KCNIP4: variants seen among roughly 807,000 people sequenced by gnomAD.
KCNIP4 encodes Kv channel-interacting protein 4.
KCNIP4 carries 12 observed loss-of-function variants against 34.0 expected under a neutral mutation model. The ratio of observed to expected loss-of-function variants is 0.35; its 90% CI spans 0.23 to 0.57. The LOEUF (loss-of-function observed/expected upper bound fraction) is 0.57, where lower values mean the gene tolerates loss of function less well. Among genes scored for constraint, KCNIP4 ranks in the 20% least tolerant of loss-of-function variants. The pLI is 0.83. For synonymous variants in KCNIP4, 124 were observed against 102.2 expected (o/e 1.21, Z -1.29); for missense variants, 238 against 311.7 (o/e 0.76, Z 1.78).
intron 1 of KCNIP4, among the ~76,000 whole-genome samples, chr4:21,432,138 A>ATATATATATATATAT (rs56939150): frequency 8.1e-6 from 1 of 123,484 alleles, no homozygotes; most frequent in Non-Finnish European, 1.7e-5. Flanking sequence ...ATATATATAT[A>ATATATATATATATAT]CAATCTCCTA....
At chr4:21,407,078 C>A (rs550638804) in intron 1 of KCNIP4, among the ~76,000 whole-genome samples, 2 of 152,148 alleles carry the variant, frequency 1.3e-5, no homozygotes, top group African/African-American at 4.8e-5. Flanking sequence ...ATTTTTATGA[C>A]CACAATGATA....
intron 1 of KCNIP4, among the ~76,000 whole-genome samples, chr4:21,909,053 G>A (rs1728156278): frequency 2.0e-5 from 3 of 152,034 alleles, no homozygotes; most frequent in Non-Finnish European, 4.4e-5. Flanking sequence ...GTAGGATTTG[G>A]TGTAAATACA....
chr4:21,637,792 A>C (rs1280097303), intron 1 of KCNIP4, among the ~76,000 whole-genome samples: 1 of 151,784 alleles, frequency 6.6e-6, no homozygotes, highest in Non-Finnish European at 1.5e-5. Flanking sequence ...TCAAAAAAAA[A>C]AAAAAAAAAA....
At chr4:21,194,009 TG>T (rs1299744105) in intron 1 of KCNIP4, among the ~76,000 whole-genome samples, 1 of 152,312 alleles carries the variant, frequency 6.6e-6, no homozygotes, top group South Asian at 2.1e-4. Context: ...CACGGCAATT[TG>T]AATGGCTATG....
intron 2 of KCNIP4, among the ~76,000 whole-genome samples, chr4:20,875,654 G>C (rs1339365639): frequency 6.6e-6 from 1 of 152,080 alleles, no homozygotes; most frequent in East Asian, 1.9e-4. Context: ...TACATGCCTA[G>C]GTCAGAGCCT....
At chr4:20,923,909 G>A (rs11727035) in intron 1 of KCNIP4, among the ~76,000 whole-genome samples, 121,944 of 151,936 alleles carry the variant, frequency 0.8, 49,050 homozygotes, top group East Asian at 0.84. Flanking sequence ...AATATATTCA[G>A]TATATGTGTG....
chr4:21,632,052 T>C (rs1349471653), intron 1 of KCNIP4, among the ~76,000 whole-genome samples: 1 of 152,212 alleles, frequency 6.6e-6, no homozygotes, highest in Non-Finnish European at 1.5e-5. Context: ...TTTAATTATT[T>C]GAGGACATGT....
At chr4:20,886,117 A>G (rs1420689185) in intron 1 of KCNIP4, among the ~76,000 whole-genome samples, 3 of 152,250 alleles carry the variant, frequency 2.0e-5, no homozygotes, top group South Asian at 2.1e-4. Flanking sequence ...TAGCCTTTAC[A>G]GAATAAATGT....
intron 1 of KCNIP4, among the ~76,000 whole-genome samples, chr4:21,865,059 G>GCC (rs1725333894): frequency 6.6e-6 from 1 of 152,014 alleles, no homozygotes. Context: ...GTCCCAAGGA[G>GCC]CTATAAGAGA....
At chr4:21,332,170 C>T (rs1196850987) in intron 1 of KCNIP4, among the ~76,000 whole-genome samples, 1 of 152,008 alleles carries the variant, frequency 6.6e-6, no homozygotes, top group Non-Finnish European at 1.5e-5. Context: ...ATTGCCCCGT[C>T]CTCTAGAATA....
intron 1 of KCNIP4, among the ~76,000 whole-genome samples, chr4:21,260,664 A>G (rs1424743385): frequency 6.6e-6 from 1 of 152,214 alleles, no homozygotes; most frequent in Non-Finnish European, 1.5e-5. Flanking sequence ...GAGCTTATCT[A>G]CTAGGGTACA....
intron 1 of KCNIP4, among the ~76,000 whole-genome samples, chr4:21,601,177 A>G (rs1486066684): frequency 6.6e-6 from 1 of 151,842 alleles, no homozygotes; most frequent in Non-Finnish European, 1.5e-5. Flanking sequence ...CCTTCTTCAC[A>G]TTGCTGCAGT....
In KCNIP4 at chr4:20,906,004, A is replaced by G. The variant is rs1300213210; in HGVS notation, c.62-23295T>C. On this transcript the variant is annotated intron_variant, in intron 1 of 8. Transcript: ENST00000382152. Reference sequence around the variant, plus strand: ...ACACAATTCCACCACTAACGGGTCAATTTCCCCTTCTTCTTCTTTCCTTTC... The same window carrying G: ...ACACAATTCCACCACTAACGGGTCAGTTTCCCCTTCTTCTTCTTTCCTTTC... Among the ~76,000 whole-genome samples, 5 of 151,252 alleles carry G rather than the reference A, an allele frequency of 3.3e-5. No homozygotes were observed. In the South Asian group the frequency reaches 8.4e-4, roughly 25 times the overall value.
intron 1 of KCNIP4, among the ~76,000 whole-genome samples, chr4:20,924,417 T>C (rs1442758476): frequency 2.0e-5 from 3 of 152,212 alleles, no homozygotes; most frequent in Non-Finnish European, 4.4e-5. Context: ...ATAGTGTACA[T>C]GTTTATGTAG....
At chr4:21,334,659 T>G (rs927749839) in intron 1 of KCNIP4, among the ~76,000 whole-genome samples, 2 of 152,074 alleles carry the variant, frequency 1.3e-5, no homozygotes, top group Non-Finnish European at 2.9e-5. Context: ...TCATGCTTAC[T>G]TACAGTAACA....
intron 1 of KCNIP4, among the ~76,000 whole-genome samples, chr4:20,967,082 T>C (rs527610694): frequency 6.6e-6 from 1 of 152,286 alleles, no homozygotes; most frequent in East Asian, 1.9e-4. Flanking sequence ...TAAGTTCTAG[T>C]ATTAAGTCAT....
At chr4:21,704,460 T>C (rs1433989315) in intron 1 of KCNIP4, among the ~76,000 whole-genome samples, 2 of 152,120 alleles carry the variant, frequency 1.3e-5, no homozygotes, top group Non-Finnish European at 2.9e-5. Flanking sequence ...AAACCACTTA[T>C]CTGACAAAGG....
At chr4:20,857,300 G>A (rs1721699591) in intron 2 of KCNIP4, among the ~76,000 whole-genome samples, 2 of 152,104 alleles carry the variant, frequency 1.3e-5, no homozygotes, top group African/African-American at 2.4e-5. Context: ...ATGATCCCAC[G>A]TAGGACTGCG....
At chr4:21,124,799 A>G (rs1227901844) in intron 1 of KCNIP4, among the ~76,000 whole-genome samples, 2 of 152,124 alleles carry the variant, frequency 1.3e-5, no homozygotes, top group African/African-American at 4.8e-5. Context: ...ATGGACAGGT[A>G]AGGGCAGCTT....
Sources: gnomAD v4.1 joint callset for allele counts (sites outside exome capture counted in the v4.1 genomes callset) on GRCh38, gnomAD v4.1.1 for gene constraint, MANE v1.5 for transcripts, NCBI Gene and HGNC (gene_info 2026-07-23, HGNC 2026-07-21) for gene names.